VKORC1L1: variants seen among roughly 807,000 people sequenced by gnomAD.
VKORC1L1 encodes vitamin K epoxide reductase complex subunit 1L1.
VKORC1L1 carries 2 observed loss-of-function variants against 18.9 expected under a neutral mutation model. The observed-to-expected ratio is 0.11, with a 90% CI of 0.04 to 0.33. The LOEUF is 0.33. Ranked by LOEUF, VKORC1L1 falls within the 10% of genes least tolerant of loss-of-function variation. VKORC1L1 has a pLI of 1.00. For missense variants in VKORC1L1, 123 were observed against 224.1 expected (o/e 0.55, Z 2.88); for synonymous variants, 96 against 100.0 (o/e 0.96, Z 0.24).
chr7:65,934,370 T>G (rs1226549794), intron 1 of VKORC1L1, among the ~76,000 whole-genome samples: 1 of 152,220 alleles, frequency 6.6e-6, no homozygotes, highest in East Asian at 1.9e-4. Context: ...CCTCAAATAC[T>G]TATTTTTTGT....
rs1788757930 is a variant in VKORC1L1, at chr7:65,873,266, C to CGGCGGCGGCGGTGGCGGCGGT, written c.-98_-97insCGGTGGCGGCGGTGGCGGCGG. 1 of 981,194 alleles carries CGGCGGCGGCGGTGGCGGCGGT rather than the reference C, an allele frequency of 1.0e-6. No homozygotes were observed. The highest frequency in any genetic ancestry group is 1.2e-6 in the Non-Finnish European group (1 of 828,234). 60.8% of individuals were successfully genotyped at this position (981,194 alleles called of 1,614,324 possible). On this transcript the variant is annotated 5_prime_UTR_variant, in exon 1 of 3. Coordinates refer to ENST00000360768, the MANE Select transcript of VKORC1L1 (RefSeq NM_173517.6). ...GCGGCGGCGGCGGCGGTGGTGGCGG[C>CGGCGGCGGCGGTGGCGGCGGT]GGCGGCGGAGGCGGCGGTGGCGGCG...
chr7:65,868,098 A>C (rs1788684150), upstream of VKORC1L1, among the ~76,000 whole-genome samples: 1 of 152,114 alleles, frequency 6.6e-6, no homozygotes, highest in Non-Finnish European at 1.5e-5. Context: ...TCACCTGCCT[A>C]GGCCTCCCAA....
At chr7:65,880,053 C>T (rs1788902718) in intron 1 of VKORC1L1, among the ~76,000 whole-genome samples, 1 of 152,072 alleles carries the variant, frequency 6.6e-6, no homozygotes, top group African/African-American at 2.4e-5. Flanking sequence ...CGAGGTCTCA[C>T]TTTGTTGCCT....
upstream of VKORC1L1, among the ~76,000 whole-genome samples, chr7:65,872,030 A>C (rs1361715367): frequency 6.6e-6 from 1 of 152,230 alleles, no homozygotes; most frequent in African/African-American, 2.4e-5. Flanking sequence ...GAAAATCTCC[A>C]AGAACCCTGT....
upstream of VKORC1L1, among the ~76,000 whole-genome samples, chr7:65,869,771 C>T (rs1788703901): frequency 6.6e-6 from 1 of 150,490 alleles, no homozygotes; most frequent in African/African-American, 2.4e-5. Flanking sequence ...CTGCCTTGGC[C>T]TCCTGAATAG....
At chr7:65,893,931 G>A (rs1168832199) in intron 1 of VKORC1L1, among the ~76,000 whole-genome samples, 1 of 151,936 alleles carries the variant, frequency 6.6e-6, no homozygotes, top group East Asian at 1.9e-4. Context: ...GATTGGAATT[G>A]TGTTGAATCA....
intron 1 of VKORC1L1, among the ~76,000 whole-genome samples, chr7:65,894,516 C>G (rs942532803): frequency 7.2e-5 from 11 of 152,042 alleles, no homozygotes; most frequent in Admixed American, 1.3e-4. Context: ...ATCACGAGGT[C>G]AGAAGATCGA....
intron 1 of VKORC1L1, among the ~76,000 whole-genome samples, chr7:65,927,050 G>A (rs996277338): frequency 6.6e-6 from 1 of 152,130 alleles, no homozygotes; most frequent in Non-Finnish European, 1.5e-5. Flanking sequence ...ACCTTGGGGG[G>A]CTGAGAAGGG....
chr7:65,941,517 A>G (rs1790032396), intron 1 of VKORC1L1, among the ~76,000 whole-genome samples: 1 of 152,024 alleles, frequency 6.6e-6, no homozygotes, highest in African/African-American at 2.4e-5. Flanking sequence ...CGCTTATTTT[A>G]TATTTACTAT....
intron 1 of VKORC1L1, among the ~76,000 whole-genome samples, chr7:65,925,759 A>G (rs1327704346): frequency 1.3e-5 from 2 of 152,170 alleles, no homozygotes; most frequent in African/African-American, 4.8e-5. Context: ...AACATAATAG[A>G]TTTAATGCAC....
intron 2 of VKORC1L1, among the ~76,000 whole-genome samples, chr7:65,953,099 A>C (rs1790240544): frequency 6.6e-6 from 1 of 152,102 alleles, no homozygotes; most frequent in Non-Finnish European, 1.5e-5. Context: ...GCGTGGCTTC[A>C]GGTGCCTTTT....
intron 1 of VKORC1L1, among the ~76,000 whole-genome samples, chr7:65,926,265 C>T (rs1342753195): frequency 3.3e-5 from 5 of 152,096 alleles, no homozygotes; most frequent in Non-Finnish European, 7.4e-5. Flanking sequence ...AGGCGATTCT[C>T]CTGCCTCTGC....
intron 1 of VKORC1L1, among the ~76,000 whole-genome samples, chr7:65,918,139 A>C (rs1322294966): frequency 6.6e-6 from 1 of 152,198 alleles, no homozygotes; most frequent in Non-Finnish European, 1.5e-5. Context: ...GCAACCTCCT[A>C]GAGATAACCA....
rs58145133 is a variant in VKORC1L1, at chr7:65,926,142, A to AATTATT, written c.195-22504_195-22499dup. On this transcript the variant is annotated intron_variant, in intron 1 of 2. Transcript: ENST00000360768. ...TCTATTCTGCCTTTAAATTTTAATG[A>AATTATT]ATTATTATTATTATTATTATTATTA... Among the ~76,000 whole-genome samples, 1,028 of 146,702 alleles carry AATTATT rather than the reference A, an allele frequency of 7.0e-3. 13 individuals carry two copies. Among genetic ancestry groups the AATTATT allele is most frequent in the African/African-American group, 0.023 (906 of 39,574 alleles).
intron 1 of VKORC1L1, among the ~76,000 whole-genome samples, chr7:65,947,784 G>A (rs771299131): frequency 3.6e-4 from 54 of 151,850 alleles, no homozygotes; most frequent in Non-Finnish European, 6.8e-4. Flanking sequence ...TCTGCTTCCA[G>A]GGTTCAAGTG....
chr7:65,893,195 T>TATATAGATATATATGCTATAGATATA (rs1171539778), intron 1 of VKORC1L1, among the ~76,000 whole-genome samples: 4 of 152,086 alleles, frequency 2.6e-5, no homozygotes, highest in Admixed American at 6.5e-5. Flanking sequence ...GTTATTTATG[T>TATATAGATATATATGCTATAGATATA]TAGCATATAA....
chr7:65,958,577 G>C lies in VKORC1L1; in HGVS notation c.*4277G>C, dbSNP rs1790339085. The C allele has an allele frequency of 6.6e-6, 1 of 152,194 alleles. No homozygotes were observed. Among genetic ancestry groups the C allele is most frequent in the Non-Finnish European group, 1.5e-5 (1 of 68,042 alleles). The allele number at this position is 152,194 out of a possible 1,614,324, so 9.4% of individuals were successfully genotyped here. A position where few individuals can be genotyped will look rare whatever the true frequency, so the allele number is the denominator to read the frequency against. Reference sequence around the variant, plus strand: ...GTGCTCCCATTATTCTTAAACTGCAGGGTTGCATTCCAAAAGAACTGAAAC... The same window carrying C: ...GTGCTCCCATTATTCTTAAACTGCACGGTTGCATTCCAAAAGAACTGAAAC... On this transcript the variant is annotated 3_prime_UTR_variant, in exon 3 of 3. Coordinates refer to ENST00000360768, the MANE Select transcript of VKORC1L1 (RefSeq NM_173517.6).
chr7:65,888,516 A>G (rs1304154679), intron 1 of VKORC1L1, among the ~76,000 whole-genome samples: 2 of 152,152 alleles, frequency 1.3e-5, no homozygotes, highest in African/African-American at 2.4e-5. Flanking sequence ...GCTCGAGGTC[A>G]TGTAACCAGA....
intron 1 of VKORC1L1, among the ~76,000 whole-genome samples, chr7:65,874,491 C>G (rs1454561114): frequency 6.6e-6 from 1 of 151,966 alleles, no homozygotes; most frequent in East Asian, 2.0e-4. Flanking sequence ...GCCACCGCGC[C>G]TGGCCTGCTT....
Sources: allele counts gnomAD v4.1 joint callset (sites outside exome capture counted in the v4.1 genomes callset), GRCh38; gene constraint gnomAD v4.1.1; transcripts MANE v1.5; gene names NCBI Gene and HGNC (gene_info 2026-07-23, HGNC 2026-07-21).